ERLIN2: variants seen among roughly 807,000 people sequenced by gnomAD.
ERLIN2 encodes the protein erlin-2.
Under a neutral mutation model 41.5 loss-of-function variants are expected in ERLIN2, and 22 were observed. That is an observed-to-expected ratio of 0.53 (90% confidence interval 0.38 to 0.76). The LOEUF (loss-of-function observed/expected upper bound fraction) is 0.76, where lower values mean the gene tolerates loss of function less well. Among genes scored for constraint, ERLIN2 ranks in the 30% least tolerant of loss-of-function variants. The probability of loss-of-function intolerance (pLI) is 0.00; values close to 1 mark genes in which losing one functional copy is unlikely to be tolerated. For synonymous variants in ERLIN2, 149 were observed against 150.9 expected, an observed-to-expected ratio of 0.99 and a Z score of 0.09; for missense variants, 247 against 414.3, an observed-to-expected ratio of 0.60 and a Z score of 3.51.
At chr8:37,748,000 G>A (rs745347130) in intron 6 of ERLIN2, 43 of 1,613,728 alleles carry the variant, frequency 2.7e-5, no homozygotes, top group South Asian at 2.0e-4. Context: ...CACTACTTTC[G>A]GCATGGTTTC....
intron 2 of ERLIN2, among the ~76,000 whole-genome samples, chr8:37,739,483 C>CT (rs375384406): frequency 2.7e-3 from 389 of 146,514 alleles, no homozygotes; most frequent in African/African-American, 6.2e-3. Context: ...GACTTCTTAT[C>CT]TTTTTTTTTT....
intron 11 of ERLIN2, 33 bp from the exon 12 acceptor site, chr8:37,753,882 A>C: frequency 6.3e-7 from 1 of 1,588,454 alleles, no homozygotes; most frequent in Non-Finnish European, 8.6e-7. Flanking sequence ...ATGGTTCAAC[A>C]TAAGTCTTCC....
In ERLIN2 at chr8:37,757,352, T is replaced by G. The variant is rs1803383216; in HGVS notation, c.*3237T>G. ...TTTTTTGTTGTTTCTAGCCACTGTT[T>G]TTTTTTTCTTGTTTCCTTATAAAAC... On this transcript the variant is annotated 3_prime_UTR_variant, in exon 12 of 12. Coordinates refer to ENST00000519638, the MANE Select transcript of ERLIN2 (RefSeq NM_007175.8). The G allele has an allele frequency of 6.6e-6, 1 of 152,198 alleles. No individual in the cohort carries two copies. The highest frequency in any genetic ancestry group is 2.4e-5 in the African/African-American group (1 of 41,470). The allele number at this position is 152,198 out of a possible 1,614,324, so 9.4% of individuals were successfully genotyped here.
intron 6 of ERLIN2, chr8:37,744,930 T>G: frequency 1.5e-6 from 1 of 664,352 alleles, no homozygotes; most frequent in Non-Finnish European, 2.7e-6. Context: ...CATAGTGGAG[T>G]AGAGTATTCA....
chr8:37,744,406 C>T lies in ERLIN2; in HGVS notation c.288C>T (p.Val96=). The T allele has an allele frequency of 6.2e-7, 1 of 1,613,952 alleles. No individual in the cohort carries two copies. The highest frequency in any genetic ancestry group is 8.5e-7 in the Non-Finnish European group (1 of 1,179,848). Residue 96 remains valine (V), a synonymous_variant, in exon 5 of 12, where the codon GTC becomes GTT. Transcript: ENST00000519638. ...GAATTGAAGTGGTGAACTTCCTGGT[C>T]CCGAACGCAGGTACGTCTTAACAGT... is the stretch of plus-strand genomic sequence containing the variant. The part of the protein sequence containing the change: ...FDRIEVVNFL[V]PNAVYDIVKN...
chr8:37,748,892 A>G (rs568301606), intron 6 of ERLIN2, among the ~76,000 whole-genome samples: 133 of 152,322 alleles, frequency 8.7e-4, no homozygotes, highest in African/African-American at 3.0e-3. Flanking sequence ...CTGTTCCTAC[A>G]TTTGTCTGTG....
At chr8:37,751,797 C>A in intron 10 of ERLIN2, 82 bp downstream of exon 10, 1 of 1,017,592 alleles carries the variant, frequency 9.8e-7, no homozygotes, top group Non-Finnish European at 1.5e-6. Flanking sequence ...TTGCCTTTGC[C>A]CTTTAACTGT....
Position 37,757,580 on chromosome 8 carries a change from A to G in ERLIN2, c.*3465A>G, listed in dbSNP as rs1314482415. On this transcript the variant is annotated 3_prime_UTR_variant, in exon 12 of 12. Coordinates refer to ENST00000519638, the MANE Select transcript of ERLIN2 (RefSeq NM_007175.8). ...GCTGGATTGATTGCCGTGGGTTGAT[A>G]GCTGGAGGAATTGTTTTGGACAATA... The G allele has an allele frequency of 6.6e-6, 1 of 152,228 alleles. No homozygotes were observed. Among genetic ancestry groups the G allele is most frequent in the Non-Finnish European group, 1.5e-5 (1 of 68,036 alleles). The allele number at this position is 152,228 out of a possible 1,614,324, so 9.4% of individuals were successfully genotyped here. A position where few individuals can be genotyped will look rare whatever the true frequency, so the allele number is the denominator to read the frequency against.
intron 6 of ERLIN2, chr8:37,745,549 A>G (rs778567092): frequency 1.9e-6 from 3 of 1,613,010 alleles, no homozygotes; most frequent in African/African-American, 1.3e-5. Context: ...AACCAATAGT[A>G]TAACTGTTCT....
At position 37,756,750 on chromosome 8, in the gene ERLIN2, T is replaced by C. The variant is rs1489529537; in HGVS notation, c.*2635T>C. The C allele has an allele frequency of 2.0e-5, 3 of 152,632 alleles. No individual in the cohort carries two copies. In the East Asian group the frequency reaches 5.8e-4, roughly 29 times the overall value. 9.5% of individuals were successfully genotyped at this position (152,632 alleles called of 1,614,324 possible). On this transcript the variant is annotated 3_prime_UTR_variant, in exon 12 of 12. Transcript: ENST00000519638. Reference sequence around the variant, plus strand: ...TCTTAAAACATTTGAATTCTAAACATGTAAAATGTGACAGCCTGCAATTTT... The same window carrying C: ...TCTTAAAACATTTGAATTCTAAACACGTAAAATGTGACAGCCTGCAATTTT...
rs1803222267 is a variant in ERLIN2 at position 37,751,704 on chromosome 8, C to T, written c.728C>T (p.Ser243Leu). Residue 243 changes from serine to leucine, a missense_variant, in exon 10 of 12, where the codon TCA becomes TTA. Transcript: ENST00000519638. ...VMEKETEKKI[S>L]EIEDAAFLAR... is the part of the protein sequence containing the mutation. ...GAGAAGGAGACTGAGAAGAAGATTT[C>T]AGAAATTGAAGGTAAGCAGAAGTGG... 2 of 1,613,724 alleles carry T rather than the reference C, an allele frequency of 1.2e-6. No homozygotes were observed. The highest frequency in any genetic ancestry group is 1.7e-6 in the Non-Finnish European group (2 of 1,179,686).
At chr8:37,744,514 C>CT (rs1426910289) in intron 5 of ERLIN2, 57 bp from the exon 6 acceptor site, 1 of 1,612,870 alleles carries the variant, frequency 6.2e-7, no homozygotes, top group Admixed American at 1.7e-5. Flanking sequence ...GCTGCCGTGT[C>CT]TGAGGGCATT....
chr8:37,746,872 T>C (rs1727703605), intron 6 of ERLIN2, among the ~76,000 whole-genome samples: 1 of 152,196 alleles, frequency 6.6e-6, no homozygotes, highest in Non-Finnish European at 1.5e-5. Flanking sequence ...CAAGAACCCT[T>C]CTAAGAACAG....
intron 2 of ERLIN2, 116 bp downstream of exon 2, chr8:37,738,145 G>A (rs910099202): frequency 2.8e-5 from 34 of 1,235,300 alleles, no homozygotes; most frequent in African/African-American, 5.9e-5. Context: ...TTGAATAGGG[G>A]AGCCTTTTCA....
At chr8:37,747,581 C>T (rs1379310827) in intron 6 of ERLIN2, 1 of 1,612,242 alleles carries the variant, frequency 6.2e-7, no homozygotes, top group African/African-American at 1.3e-5. Flanking sequence ...GTCATCATCA[C>T]CTTCTTAGGA....
intron 7 of ERLIN2, 22 bp from the exon 8 acceptor site, chr8:37,749,771 CT>C: frequency 6.2e-7 from 1 of 1,613,212 alleles, no homozygotes; most frequent in Non-Finnish European, 8.5e-7. Flanking sequence ...TTCCCATCAG[CT>C]GCTGTTTTAA....
intron 8 of ERLIN2, chr8:37,750,169 T>C (rs1014079459): frequency 6.4e-6 from 4 of 622,100 alleles, no homozygotes; most frequent in Non-Finnish European, 1.1e-5. Context: ...CAGGCAGGTG[T>C]ATTTTACTAA....
At chr8:37,738,555 A>C (rs1802737513) in intron 2 of ERLIN2, among the ~76,000 whole-genome samples, 1 of 152,208 alleles carries the variant, frequency 6.6e-6, no homozygotes, top group South Asian at 2.1e-4. Flanking sequence ...TGGGTCACAT[A>C]GTGAGACCCT....
intron 4 of ERLIN2, among the ~76,000 whole-genome samples, chr8:37,742,919 A>G (rs999644859): frequency 2.6e-5 from 4 of 152,242 alleles, no homozygotes; most frequent in African/African-American, 7.2e-5. Flanking sequence ...GATAACTTGC[A>G]TAACTAAAGA....
Sources: gnomAD v4.1 joint callset for allele counts (sites outside exome capture counted in the v4.1 genomes callset) on GRCh38, gnomAD v4.1.1 for gene constraint, MANE v1.5 for transcripts, NCBI Gene and HGNC (gene_info 2026-07-23, HGNC 2026-07-21) for gene names.